The following TMPRSS13 variants were observed in gnomAD, a reference collection of about 807,000 sequenced individuals.
The protein encoded by TMPRSS13 is transmembrane protease serine 13.
TMPRSS13 carries 50 observed loss-of-function variants against 68.4 expected under a neutral mutation model. The ratio of observed to expected loss-of-function variants is 0.73; its 90% CI spans 0.58 to 0.93. TMPRSS13 has a LOEUF of 0.93. TMPRSS13 is among the 40% of genes least tolerant of loss of function. TMPRSS13 has a pLI of 0.00. For missense variants in TMPRSS13, 615 were observed against 729.2 expected, an observed-to-expected ratio of 0.84 and a Z score of 1.80; for synonymous variants, 267 against 285.8, an observed-to-expected ratio of 0.93 and a Z score of 0.66.
intron 3 of TMPRSS13, among the ~76,000 whole-genome samples, chr11:117,916,352 A>G (rs1188225556): frequency 2.0e-5 from 3 of 152,204 alleles, no homozygotes; most frequent in Non-Finnish European, 2.9e-5. Context: ...CCTGCTGGGC[A>G]TAATTGCTGT....
chr11:117,906,972 C>A (rs937488874), intron 9 of TMPRSS13, among the ~76,000 whole-genome samples: 4 of 152,194 alleles, frequency 2.6e-5, no homozygotes, highest in African/African-American at 9.7e-5. Context: ...AGCTGTGATT[C>A]TCAGACTAAG....
intron 5 of TMPRSS13, among the ~76,000 whole-genome samples, chr11:117,913,089 A>G (rs981472152): frequency 2.0e-5 from 3 of 152,042 alleles, no homozygotes; most frequent in African/African-American, 7.3e-5. Context: ...CCACAGTGAG[A>G]TCTTAAACTC....
At chr11:117,925,280 G>A (rs1264119090) in intron 1 of TMPRSS13, among the ~76,000 whole-genome samples, 3 of 152,214 alleles carry the variant, frequency 2.0e-5, no homozygotes, top group Non-Finnish European at 4.4e-5. Context: ...ACTTGAAAGG[G>A]ACTGGCCAGA....
intron 11 of TMPRSS13, 73 bp from the exon 12 acceptor site, chr11:117,903,880 T>C: frequency 1.9e-6 from 3 of 1,595,488 alleles, no homozygotes; most frequent in Non-Finnish European, 2.6e-6. Flanking sequence ...GGGTCCCAAT[T>C]CCCACATCAG....
At position 117,914,154 on chromosome 11, in the gene TMPRSS13, T is replaced by A. The variant is rs372441848; in HGVS notation, c.679+238A>T. 3.3e-5 allele frequency among the ~76,000 whole-genome samples: 5 copies of A among 152,062 alleles called. No individual in the cohort carries two copies. In the South Asian group the frequency reaches 8.3e-4, roughly 25 times the overall value. On this transcript the variant is annotated intron_variant, in intron 4 of 12. Transcript: ENST00000524993. This position sits in a 1 kb window ranked among gnomAD's most constrained non-coding sequence, Gnocchi z 4.2. The stretch of plus-strand genomic sequence containing the variant: ...GCTACAGACTGATGCAAACTGTGTA[T>A]CAGCTCAAATGGGAGGCAATGGACA...
intron 12 of TMPRSS13, chr11:117,903,072 C>A: frequency 8.8e-7 from 1 of 1,139,578 alleles, no homozygotes; most frequent in Non-Finnish European, 1.1e-6. Flanking sequence ...ACTTTATACT[C>A]TTTTATGATA....
At chr11:117,927,264 G>C (rs1475524562) in intron 1 of TMPRSS13, among the ~76,000 whole-genome samples, 1 of 152,070 alleles carries the variant, frequency 6.6e-6, no homozygotes, top group Non-Finnish European at 1.5e-5. Context: ...CTCCTTCGGG[G>C]GACTGCTCCA....
chr11:117,918,997 A>G (rs2057615165), intron 1 of TMPRSS13, among the ~76,000 whole-genome samples, 159 bp from the exon 2 acceptor site: 1 of 152,180 alleles, frequency 6.6e-6, no homozygotes, highest in African/African-American at 2.4e-5. Flanking sequence ...ACTGTGTCCA[A>G]GGATAGAATG....
At chr11:117,928,046 G>A (rs995196118) in intron 1 of TMPRSS13, among the ~76,000 whole-genome samples, 1 of 152,208 alleles carries the variant, frequency 6.6e-6, no homozygotes, top group African/African-American at 2.4e-5. Flanking sequence ...CATCTCCAGT[G>A]GGAGCATGGC....
At chr11:117,916,154 T>C (rs1301611291) in intron 3 of TMPRSS13, among the ~76,000 whole-genome samples, 1 of 152,158 alleles carries the variant, frequency 6.6e-6, no homozygotes, top group Admixed American at 6.5e-5. Flanking sequence ...TTTAACAGAA[T>C]CCTTACTCTT....
At chr11:117,910,094 G>GTGGGTGCCCTT in intron 7 of TMPRSS13, 126 bp from the exon 8 acceptor site, 1 of 1,155,854 alleles carries the variant, frequency 8.7e-7, no homozygotes, top group Non-Finnish European at 1.2e-6. Flanking sequence ...ATCCTGAAGG[G>GTGGGTGCCCTT]CACCCACCCT....
At chr11:117,913,742 T>C (rs1591623326) in intron 5 of TMPRSS13, 35 bp downstream of exon 5, 1 of 1,610,106 alleles carries the variant, frequency 6.2e-7, no homozygotes, top group African/African-American at 1.3e-5. Flanking sequence ...GAGACATCCC[T>C]GAAGCCTGGA....
At chr11:117,903,626 G>A (rs2134872685) in intron 12 of TMPRSS13, 29 bp downstream of exon 12, 1 of 1,613,876 alleles carries the variant, frequency 6.2e-7, no homozygotes, top group Non-Finnish European at 8.5e-7. Context: ...CAGCCTGCTG[G>A]GTGCAGTGTC....
rs2134899422 is a variant in TMPRSS13 at position 117,914,646 on chromosome 11, A to C, written c.557-132T>G. On this transcript the variant is annotated intron_variant, in intron 3 of 12. Transcript: ENST00000524993. The surrounding 1 kb of genome is among the most constrained non-coding windows in gnomAD (Gnocchi z 4.2). ...TTGAACTCTGGGGCTCTCATCCCCC[A>C]TCTGTATGGAGAGAAAGGCTGCTCA... The C allele has an allele frequency of 6.8e-7, 1 of 1,473,008 alleles. No homozygotes were observed. The highest frequency in any genetic ancestry group is 2.3e-5 in the East Asian group (1 of 43,858). The allele number at this position is 1,473,008 out of a possible 1,614,324, so 91.2% of individuals were successfully genotyped here.
intron 9 of TMPRSS13, among the ~76,000 whole-genome samples, chr11:117,906,722 T>G (rs935458812): frequency 3.0e-4 from 35 of 117,850 alleles, no homozygotes; most frequent in Non-Finnish European, 5.1e-4. Context: ...AGCATAGGAT[T>G]TTTTTTCTAT....
At chr11:117,911,291 T>A (rs1041465704) in intron 6 of TMPRSS13, among the ~76,000 whole-genome samples, 1 of 152,210 alleles carries the variant, frequency 6.6e-6, no homozygotes, top group Non-Finnish European at 1.5e-5. Flanking sequence ...CTGTCCCTGA[T>A]GCCTGCACCT....
chr11:117,914,958 C>T lies in TMPRSS13; in HGVS notation c.557-444G>A, dbSNP rs762948771. On this transcript the variant is annotated intron_variant, in intron 3 of 12. Coordinates refer to ENST00000524993, the MANE Select transcript of TMPRSS13 (RefSeq NM_001077263.3). This position sits in a 1 kb window ranked among gnomAD's most constrained non-coding sequence, Gnocchi z 4.2. ...ATAAATTTCTGTCCTCACAGTCACACAGGCAACCACCGTCTGTCTGTTCTC... is the reference window on the plus strand; with the variant it reads ...ATAAATTTCTGTCCTCACAGTCACATAGGCAACCACCGTCTGTCTGTTCTC... Among the ~76,000 whole-genome samples the T allele has an allele frequency of 1.3e-5, 2 of 152,102 alleles. No individual in the cohort carries two copies. The highest frequency in any genetic ancestry group is 2.9e-5 in the Non-Finnish European group (2 of 68,012).
In TMPRSS13 at chr11:117,918,353, C is replaced by T. The variant is rs537018172; in HGVS notation, c.451+56G>A. On this transcript the variant is annotated intron_variant, in intron 2 of 12. Transcript: ENST00000524993. ...GAGCACACTGGCTCTGAGATTTCCTCCCTGCCCATGGGCTGCTTCCCATCT... is the reference window on the plus strand; with the variant it reads ...GAGCACACTGGCTCTGAGATTTCCTTCCTGCCCATGGGCTGCTTCCCATCT... 3.5e-5 allele frequency: 55 copies of T among 1,578,570 alleles called. No individual in the cohort carries two copies. The East Asian group carries it at 1.2e-3, about 36-fold the overall frequency.
At chr11:117,921,789 C>T (rs1215632389) in intron 1 of TMPRSS13, among the ~76,000 whole-genome samples, 1 of 152,164 alleles carries the variant, frequency 6.6e-6, no homozygotes, top group Non-Finnish European at 1.5e-5. Flanking sequence ...ACCCCAAGAC[C>T]AGGGCAAGAG....
Sources: gnomAD v4.1 joint callset for allele counts (sites outside exome capture counted in the v4.1 genomes callset) on GRCh38, gnomAD v4.1.1 for gene constraint, Gnocchi (gnomAD v3.1) non-coding constraint, MANE v1.5 for transcripts, NCBI Gene and HGNC (gene_info 2026-07-23, HGNC 2026-07-21) for gene names.